SEMA6A: variants seen among roughly 807,000 people sequenced by gnomAD.
SEMA6A encodes the protein semaphorin 6A, also known as semaphorin-6A.
A neutral mutation model predicts 96.8 loss-of-function variants in SEMA6A; 25 were observed. The ratio of observed to expected loss-of-function variants is 0.26; its 90% CI spans 0.19 to 0.36. The LOEUF (loss-of-function observed/expected upper bound fraction) is 0.36, where lower values mean the gene tolerates loss of function less well. SEMA6A is among the 10% of genes least tolerant of loss of function. The pLI is 1.00. For missense variants in SEMA6A, 1,363 were observed against 1,323.1 expected (o/e 1.03, Z -0.47); for synonymous variants, 612 against 518.0 (o/e 1.18, Z -2.46).
intron 1 of SEMA6A, among the ~76,000 whole-genome samples, chr5:116,527,020 A>G (rs1473237245): frequency 6.6e-6 from 1 of 152,176 alleles, no homozygotes; most frequent in Non-Finnish European, 1.5e-5. Context: ...GTATTTTTAA[A>G]TCTGTGACCT....
intron 1 of SEMA6A, among the ~76,000 whole-genome samples, chr5:116,554,391 A>AG (rs1760531260): frequency 6.6e-6 from 1 of 152,244 alleles, no homozygotes; most frequent in Non-Finnish European, 1.5e-5. Context: ...TATGGGGCAT[A>AG]GTCAAACCAG....
chr5:116,497,456 G>A (rs997367897), intron 3 of SEMA6A, 69 bp from the exon 4 acceptor site: 1 of 953,506 alleles, frequency 1.0e-6, no homozygotes, highest in Non-Finnish European at 1.6e-6. Flanking sequence ...TGCTTAATGA[G>A]TTATGTCTTA....
intron 18 of SEMA6A, among the ~76,000 whole-genome samples, chr5:116,452,643 T>C (rs185729360): frequency 6.6e-6 from 1 of 151,872 alleles, no homozygotes; most frequent in Non-Finnish European, 1.5e-5. Context: ...TGTTAATAAA[T>C]TTTGAAATAT....
intron 1 of SEMA6A, among the ~76,000 whole-genome samples, chr5:116,556,089 G>A (rs997703885): frequency 1.3e-4 from 20 of 152,216 alleles, no homozygotes; most frequent in African/African-American, 4.6e-4. Flanking sequence ...TCCTAACTGG[G>A]CACTGGACCC....
rs1262334498 is a variant in SEMA6A, at chr5:116,505,003, G to A, written c.-38-21C>T. On this transcript the variant is annotated intron_variant, in intron 1 of 18. Transcript: ENST00000343348. ...TCACCCTGCCAAAAAGTAAAGAACA[G>A]ATTTTTTTCCAAGTCAGCTTTGTTC... is the stretch of plus-strand genomic sequence containing the variant. 13 of 1,233,208 alleles carry A rather than the reference G, an allele frequency of 1.1e-5. No individual in the cohort carries two copies. In the Admixed American group the frequency reaches 2.2e-4, roughly 21 times the overall value. 76.4% of individuals were successfully genotyped at this position (1,233,208 alleles called of 1,614,324 possible).
At chr5:116,479,834 A>G (rs1006326752) in intron 12 of SEMA6A, among the ~76,000 whole-genome samples, 4 of 152,056 alleles carry the variant, frequency 2.6e-5, no homozygotes, top group Admixed American at 6.6e-5. Flanking sequence ...CTGCTCCTCT[A>G]TTTTTGCACA....
At position 116,445,355 on chromosome 5, in the gene SEMA6A, A is replaced by T. The variant is rs1475843302; in HGVS notation, c.*1258T>A. ...GCTATTCACAGATGTAACCCCACGA[A>T]GAACCCGTGTGATCAAATCATTAAT... is the stretch of plus-strand genomic sequence containing the variant. On this transcript the variant is annotated 3_prime_UTR_variant, in exon 19 of 19. Coordinates refer to ENST00000343348, the MANE Select transcript of SEMA6A (RefSeq NM_020796.5). The T allele has an allele frequency of 2.0e-5, 3 of 152,682 alleles. No individual in the cohort carries two copies. Among genetic ancestry groups the T allele is most frequent in the Non-Finnish European group, 4.4e-5 (3 of 68,048 alleles). The allele number at this position is 152,682 out of a possible 1,614,324, so 9.5% of individuals were successfully genotyped here. A position where few individuals can be genotyped will look rare whatever the true frequency, so the allele number is the denominator to read the frequency against.
Position 116,568,738 on chromosome 5 carries a change from CCAT to C in SEMA6A, c.-39+5444_-39+5446del, listed in dbSNP as rs374430415. On this transcript the variant is annotated intron_variant, in intron 1 of 18. Transcript: ENST00000343348. ...AATGTGGGAATGAACAGGCTCCAAT[CCAT>C]CACTACCACTGGAAAAACAACACAG... is the stretch of plus-strand genomic sequence containing the variant. 1.5e-4 allele frequency among the ~76,000 whole-genome samples: 23 copies of C among 152,022 alleles called. 1 individual carries two copies. The highest frequency in any genetic ancestry group is 3.9e-4 in the African/African-American group (16 of 41,374).
chr5:116,542,474 C>T (rs1191838382), intron 1 of SEMA6A, among the ~76,000 whole-genome samples: 1 of 152,156 alleles, frequency 6.6e-6, no homozygotes, highest in African/African-American at 2.4e-5. Flanking sequence ...CTTTGTCTTT[C>T]ATTAATGGGG....
At chr5:116,487,727 G>C (rs895026772) in intron 9 of SEMA6A, among the ~76,000 whole-genome samples, 1 of 152,110 alleles carries the variant, frequency 6.6e-6, no homozygotes, top group Non-Finnish European at 1.5e-5. Context: ...AGCTGGGCAC[G>C]GTGGCGCATG....
chr5:116,551,772 A>C (rs996024397), intron 1 of SEMA6A, among the ~76,000 whole-genome samples: 5 of 152,206 alleles, frequency 3.3e-5, no homozygotes, highest in Non-Finnish European at 5.9e-5. Context: ...CAGAGGTCGT[A>C]ATCACAACAA....
intron 8 of SEMA6A, among the ~76,000 whole-genome samples, 174 bp from the exon 9 acceptor site, chr5:116,488,370 C>T (rs952801508): frequency 6.6e-6 from 1 of 152,234 alleles, no homozygotes; most frequent in African/African-American, 2.4e-5. Flanking sequence ...TTTCACAAGG[C>T]ATTCACACTT....
rs72214884 is a variant in SEMA6A, at chr5:116,536,866, T to TAAAAAAAAAA, written c.-38-31894_-38-31885dup. Reference sequence around the variant, plus strand: ...TTTATTCAGTCCCCGTGTGATTTCTTAAAAAAAAAAAAAAAAAAAAAAAAA... The same window carrying TAAAAAAAAAA: ...TTTATTCAGTCCCCGTGTGATTTCTTAAAAAAAAAAAAAAAAAAAAAAAAAAAAAAAAAAA... On this transcript the variant is annotated intron_variant, in intron 1 of 18. Coordinates refer to ENST00000343348, the MANE Select transcript of SEMA6A (RefSeq NM_020796.5). Among the ~76,000 whole-genome samples, 227 of 69,472 alleles carry TAAAAAAAAAA rather than the reference T, an allele frequency of 3.3e-3. 9 individuals carry two copies. Among genetic ancestry groups the TAAAAAAAAAA allele is most frequent in the Middle Eastern group, 0.013 (1 of 78 alleles). The allele number at this position is 69,472 out of a possible 152,430, so 45.6% of individuals were successfully genotyped here. A position where few individuals can be genotyped will look rare whatever the true frequency, so the allele number is the denominator to read the frequency against.
intron 11 of SEMA6A, among the ~76,000 whole-genome samples, chr5:116,481,999 C>G (rs1242277487): frequency 6.6e-6 from 1 of 152,100 alleles, no homozygotes; most frequent in African/African-American, 2.4e-5. Flanking sequence ...GAGCTCTGAT[C>G]CAGCTTGGTC....
At chr5:116,571,405 A>G (rs1761205776) in intron 1 of SEMA6A, among the ~76,000 whole-genome samples, 1 of 152,230 alleles carries the variant, frequency 6.6e-6, no homozygotes, top group Non-Finnish European at 1.5e-5. Flanking sequence ...ACATATGGGG[A>G]AGGTTGTCAC....
intron 1 of SEMA6A, among the ~76,000 whole-genome samples, chr5:116,523,621 G>T (rs1394822815): frequency 6.6e-6 from 1 of 152,112 alleles, no homozygotes; most frequent in Non-Finnish European, 1.5e-5. Flanking sequence ...CTAGACAGCA[G>T]TTTCATATTT....
intron 1 of SEMA6A, among the ~76,000 whole-genome samples, chr5:116,552,087 CCAGT>C (rs2067140): frequency 0.5 from 75,242 of 151,610 alleles, 19,897 homozygotes; most frequent in East Asian, 0.63. Flanking sequence ...GTCCCTGACA[CCAGT>C]CAAAGAATCA....
At chr5:116,448,922 T>C (rs2112579487) in intron 18 of SEMA6A, among the ~76,000 whole-genome samples, 1 of 152,308 alleles carries the variant, frequency 6.6e-6, no homozygotes, top group African/African-American at 2.4e-5. Context: ...ACCTAGAGTT[T>C]GCTGTCACAG....
chr5:116,545,214 G>A (rs552579200), intron 1 of SEMA6A, among the ~76,000 whole-genome samples: 18 of 152,254 alleles, frequency 1.2e-4, no homozygotes, highest in Middle Eastern at 6.8e-3. Context: ...TAGATTGTGC[G>A]GTCTGGCTCC....
Sources: gnomAD v4.1 joint callset for allele counts (sites outside exome capture counted in the v4.1 genomes callset) on GRCh38, gnomAD v4.1.1 for gene constraint, MANE v1.5 for transcripts, NCBI Gene and HGNC (gene_info 2026-07-23, HGNC 2026-07-21) for gene names.